Variants in SYNE2 observed in about 807,000 individuals in gnomAD.
SYNE2 encodes spectrin repeat containing nuclear envelope protein 2.
In SYNE2, 431 loss-of-function variants were observed where a neutral mutation model predicts 856.3. The observed-to-expected ratio is 0.50, with a 90% CI of 0.47 to 0.55. The LOEUF (loss-of-function observed/expected upper bound fraction) is 0.55. SYNE2 is among the 20% of genes least tolerant of loss of function. SYNE2 has a pLI of 0.00. For missense variants in SYNE2, 8,129 were observed against 8,023.2 expected (o/e 1.01, Z -0.50); for synonymous variants, 2,923 against 2,872.3 (o/e 1.02, Z -0.56).
chr14:63,783,305 T>C (rs753944226), intron 1 of SYNE2, among the ~76,000 whole-genome samples: 1 of 152,156 alleles, frequency 6.6e-6, no homozygotes, highest in Non-Finnish European at 1.5e-5. Context: ...GATTATAAGT[T>C]TCCTGAGGTA....
intron 1 of SYNE2, among the ~76,000 whole-genome samples, chr14:63,799,052 C>T (rs1053283478): frequency 2.0e-5 from 3 of 152,118 alleles, no homozygotes; most frequent in Non-Finnish European, 4.4e-5. Flanking sequence ...ATTTAGGAAA[C>T]AAACACTTAA....
At chr14:63,998,683 T>TC (rs1407039009) in intron 26 of SYNE2, among the ~76,000 whole-genome samples, 1 of 152,180 alleles carries the variant, frequency 6.6e-6, no homozygotes, top group Non-Finnish European at 1.5e-5. Flanking sequence ...TGCCTCAGCC[T>TC]CCTGAGTAGC....
At chr14:63,822,625 A>G (rs1294829047) in intron 1 of SYNE2, among the ~76,000 whole-genome samples, 1 of 152,232 alleles carries the variant, frequency 6.6e-6, no homozygotes, top group African/African-American at 2.4e-5. Context: ...GGTTAAACAT[A>G]TTACTGGAAA....
At chr14:64,187,891 G>A (rs2139548275) in intron 97 of SYNE2, among the ~76,000 whole-genome samples, 1 of 152,328 alleles carries the variant, frequency 6.6e-6, no homozygotes, top group South Asian at 2.1e-4. Flanking sequence ...CTTAGCTGAT[G>A]TCAGTTTAGG....
At position 64,125,134 on chromosome 14, in the gene SYNE2, C is replaced by T; in HGVS notation, c.13478C>T (p.Pro4493Leu). The change falls in exon 71 of 116, where the codon CCA becomes CTA. Residue 4493 changes from proline (P) to leucine (L), a missense_variant. This residue lies in a region of SYNE2 where 5,410 missense variants were observed against 5,284.8 expected (regional missense o/e 1.02). Transcript: ENST00000555002. ...GTGACTATGTATAACTTTAGATACC[C>T]AACAACTGAAGAACTGAAAACCTAT... Reference protein sequence around the residue: ...PSVTMYNFRYPTTEELKTYTT... With the variant: ...PSVTMYNFRYLTTEELKTYTT... 1.2e-6 allele frequency: 2 copies of T among 1,614,124 alleles called. No individual in the cohort carries two copies. The highest frequency in any genetic ancestry group is 2.7e-5 in the African/African-American group (2 of 75,012).
intron 1 of SYNE2, among the ~76,000 whole-genome samples, chr14:63,814,417 AATATATATCCTT>A (rs1888748374): frequency 6.8e-6 from 1 of 146,504 alleles, no homozygotes; most frequent in African/African-American, 2.5e-5. Flanking sequence ...CCATATATAT[AATATATATCCTT>A]ATATATATCC....
intron 45 of SYNE2, 78 bp downstream of exon 45, chr14:64,031,435 A>C (rs2097033561): frequency 8.0e-7 from 1 of 1,246,378 alleles, no homozygotes; most frequent in Admixed American, 1.9e-5. Flanking sequence ...GAGGGTCGTG[A>C]ATCAAGCATT....
chr14:64,021,222 G>A lies in SYNE2; in HGVS notation c.5152-93G>A, dbSNP rs2096933601. 1.4e-5 allele frequency: 13 copies of A among 946,346 alleles called. No homozygotes were observed. The East Asian group carries it at 3.3e-4, about 24-fold the overall frequency. The allele number at this position is 946,346 out of a possible 1,614,324, so 58.6% of individuals were successfully genotyped here. A position where few individuals can be genotyped will look rare whatever the true frequency, so the allele number is the denominator to read the frequency against. On this transcript the variant is annotated intron_variant, in intron 35 of 115. Coordinates refer to ENST00000555002, the MANE Select transcript of SYNE2 (RefSeq NM_182914.3). ...AAAAGAATGCATTTCACATTGAAAT[G>A]AAGTAATCTCAACCCATTCTCTAGC... is the stretch of plus-strand genomic sequence containing the variant.
At position 64,216,383 on chromosome 14, in the gene SYNE2, C is replaced by G. The variant is rs528334179; in HGVS notation, c.19538C>G (p.Pro6513Arg). The G allele has an allele frequency of 2.2e-5, 35 of 1,614,032 alleles. No homozygotes were observed. The highest frequency in any genetic ancestry group is 3.0e-5 in the Non-Finnish European group (35 of 1,180,022). The change falls in exon 108 of 116, where the codon CCC becomes CGC. Residue 6513 changes from proline to arginine, a missense_variant. Coordinates refer to ENST00000555002, the MANE Select transcript of SYNE2 (RefSeq NM_182914.3). ...GCGTCCAGCACCCCTTATAAACCAC[C>G]CTATGTAAGTCTTAACTTCACTGGG... ...PPASSTPYKP[P>R]YGKLLLPPGT...
At chr14:64,042,635 T>C (rs1373496366) in intron 45 of SYNE2, among the ~76,000 whole-genome samples, 1 of 152,204 alleles carries the variant, frequency 6.6e-6, no homozygotes, top group Admixed American at 6.5e-5. Context: ...AATGGGAGTT[T>C]GCCTGCACAG....
chr14:63,946,104 T>C (rs2096021976), intron 6 of SYNE2, among the ~76,000 whole-genome samples: 1 of 152,162 alleles, frequency 6.6e-6, no homozygotes, highest in African/African-American at 2.4e-5. Context: ...CTTGATGTTA[T>C]GTGTAATGAT....
intron 70 of SYNE2, among the ~76,000 whole-genome samples, chr14:64,123,862 A>G (rs922570516): frequency 2.0e-5 from 3 of 149,484 alleles, no homozygotes; most frequent in Admixed American, 1.3e-4. Flanking sequence ...TGAAAGATTA[A>G]TGATTTCACA....
At chr14:63,979,621 G>A (rs76012070) in intron 14 of SYNE2, among the ~76,000 whole-genome samples, 1 of 152,234 alleles carries the variant, frequency 6.6e-6, no homozygotes, top group African/African-American at 2.4e-5. Context: ...TTAGAGATGA[G>A]GTGGGGTGGG....
intron 1 of SYNE2, among the ~76,000 whole-genome samples, chr14:63,856,835 G>T (rs890017350): frequency 6.6e-6 from 1 of 152,080 alleles, no homozygotes; most frequent in South Asian, 2.1e-4. Context: ...ACAGTGGTGC[G>T]ATCATGGCTC....
intron 54 of SYNE2, 121 bp from the exon 55 acceptor site, chr14:64,078,345 C>A: frequency 8.1e-7 from 1 of 1,233,074 alleles, no homozygotes; most frequent in Non-Finnish European, 1.2e-6. Context: ...GAATTTCTTC[C>A]CCCAGCCCTT....
At chr14:63,919,991 TAAGGTAAGAGGTACTA>T (rs2095579864) in intron 2 of SYNE2, among the ~76,000 whole-genome samples, 4 of 150,550 alleles carry the variant, frequency 2.7e-5, no homozygotes, top group Admixed American at 2.0e-4. Flanking sequence ...TTTTTTTTTT[TAAGGTAAGAGGTACTA>T]TTTCATTTCT....
At chr14:63,957,328 G>T (rs2096253614) in intron 8 of SYNE2, among the ~76,000 whole-genome samples, 1 of 146,468 alleles carries the variant, frequency 6.8e-6, no homozygotes. Flanking sequence ...GAGTGCAGTG[G>T]CGTGATCTTG....
intron 63 of SYNE2, among the ~76,000 whole-genome samples, chr14:64,101,123 A>G (rs777450537): frequency 1.3e-5 from 2 of 152,156 alleles, no homozygotes; most frequent in Non-Finnish European, 2.9e-5. Flanking sequence ...ATGGGAGTGC[A>G]GACATCTCTT....
At chr14:63,841,793 T>A (rs1266610187) in intron 1 of SYNE2, among the ~76,000 whole-genome samples, 1 of 151,948 alleles carries the variant, frequency 6.6e-6, no homozygotes, top group Non-Finnish European at 1.5e-5. Context: ...AATTGTCTGT[T>A]CATGTTTTTT....
Sources: allele counts gnomAD v4.1 joint callset (sites outside exome capture counted in the v4.1 genomes callset), GRCh38; gene constraint gnomAD v4.1.1; regional missense constraint gnomAD v4.1.1; transcripts MANE v1.5; gene names NCBI Gene and HGNC (gene_info 2026-07-23, HGNC 2026-07-21).